MPDZ: variants seen among roughly 807,000 people sequenced by gnomAD.
MPDZ encodes multiple PDZ domain protein.
In MPDZ, 234 loss-of-function variants were observed where a neutral mutation model predicts 239.1. The observed-to-expected ratio is 0.98, with a 90% confidence interval of 0.88 to 1.09. MPDZ has a LOEUF of 1.09. MPDZ is among the 50% of genes least tolerant of loss of function. The pLI is 0.00. For synonymous variants in MPDZ, 1,048 were observed against 881.3 expected, an observed-to-expected ratio of 1.19 and a Z score of -3.35; for missense variants, 3,175 against 2,510.0, an observed-to-expected ratio of 1.26 and a Z score of -5.66.
intron 1 of MPDZ, among the ~76,000 whole-genome samples, chr9:13,261,322 T>C (rs180717642): frequency 9.9e-5 from 15 of 152,282 alleles, no homozygotes; most frequent in Non-Finnish European, 2.1e-4. Flanking sequence ...AGATGCACAA[T>C]CACTGATCTC....
intron 2 of MPDZ, 76 bp downstream of exon 2, chr9:13,250,224 A>G (rs1455307705): frequency 1.4e-6 from 2 of 1,395,500 alleles, no homozygotes; most frequent in East Asian, 4.8e-5. Flanking sequence ...GCTATGTTAA[A>G]CACAACATAT....
chr9:13,172,362 AC>A (rs1951882094), intron 21 of MPDZ, among the ~76,000 whole-genome samples: 2 of 149,538 alleles, frequency 1.3e-5, no homozygotes, highest in Non-Finnish European at 3.0e-5. Context: ...GTGATTTCAC[AC>A]TTAAATGTCT....
chr9:13,274,834 A>C (rs1973809067), intron 1 of MPDZ, among the ~76,000 whole-genome samples: 1 of 152,182 alleles, frequency 6.6e-6, no homozygotes, highest in Admixed American at 6.5e-5. Context: ...CATTTACAAC[A>C]CAGTGTTTCA....
intron 1 of MPDZ, among the ~76,000 whole-genome samples, chr9:13,257,364 C>G (rs147239853): frequency 1.6e-4 from 24 of 152,234 alleles, no homozygotes; most frequent in African/African-American, 5.8e-4. Flanking sequence ...CAAGGTCTTA[C>G]TCAAGGTCAA....
At chr9:13,145,801 G>C (rs558381675) in intron 26 of MPDZ, among the ~76,000 whole-genome samples, 1 of 151,942 alleles carries the variant, frequency 6.6e-6, no homozygotes, top group Non-Finnish European at 1.5e-5. Context: ...CGGCTCATTG[G>C]AAAATGTGCC....
chr9:13,223,554 C>A lies in MPDZ; in HGVS notation c.533+17G>T. The A allele has an allele frequency of 6.3e-7, 1 of 1,592,930 alleles. No individual in the cohort carries two copies. The highest frequency in any genetic ancestry group is 8.5e-7 in the Non-Finnish European group (1 of 1,171,236). Reference sequence around the variant, plus strand: ...AATGTGGGATCAAAAACAAAGAAGACGCCGCGACCATCTCACCTATGGGCC... The same window carrying A: ...AATGTGGGATCAAAAACAAAGAAGAAGCCGCGACCATCTCACCTATGGGCC... On this transcript the variant is annotated intron_variant, in intron 5 of 46. Coordinates refer to ENST00000319217, the MANE Select transcript of MPDZ (RefSeq NM_001378778.1).
At chr9:13,170,308 A>G (rs1951622587) in intron 21 of MPDZ, among the ~76,000 whole-genome samples, 1 of 152,130 alleles carries the variant, frequency 6.6e-6, no homozygotes, top group Admixed American at 6.6e-5. Context: ...TTCTAGCCTA[A>G]TATTTCATAG....
intron 31 of MPDZ, chr9:13,134,583 T>C (rs1946470685): frequency 6.6e-6 from 1 of 152,140 alleles, no homozygotes; most frequent in Non-Finnish European, 1.5e-5. Context: ...CCAAAGTTCC[T>C]CTAATTTTAA....
At chr9:13,233,274 A>G (rs1367896856) in intron 3 of MPDZ, among the ~76,000 whole-genome samples, 5 of 152,204 alleles carry the variant, frequency 3.3e-5, no homozygotes, top group African/African-American at 1.2e-4. Flanking sequence ...TATTTATAAC[A>G]GCCAAAAGCT....
At chr9:13,260,458 CT>C (rs1455073589) in intron 1 of MPDZ, among the ~76,000 whole-genome samples, 1 of 152,146 alleles carries the variant, frequency 6.6e-6, no homozygotes, top group Non-Finnish European at 1.5e-5. Context: ...AGTGTTGTGA[CT>C]ATTCTAGAAA....
chr9:13,121,508 C>T (rs1944343390), intron 38 of MPDZ, among the ~76,000 whole-genome samples: 1 of 152,168 alleles, frequency 6.6e-6, no homozygotes, highest in South Asian at 2.1e-4. Flanking sequence ...AGCAGGTGCT[C>T]AAAAATACAC....
rs1407421654 is a variant in MPDZ, at chr9:13,236,283, T to A, written c.183+11352A>T. On this transcript the variant is annotated intron_variant, in intron 3 of 46. Coordinates refer to ENST00000319217, the MANE Select transcript of MPDZ (RefSeq NM_001378778.1). ...TATATATATATTTTTTTTTTTTTTT[T>A]TTTTTTTTTTTGAGACAGAGTTTCA... Among the ~76,000 whole-genome samples, 4 of 40,496 alleles carry A rather than the reference T, an allele frequency of 9.9e-5. No individual in the cohort carries two copies. The South Asian group carries it at 2.9e-3, about 29-fold the overall frequency. 26.6% of individuals were successfully genotyped at this position (40,496 alleles called of 152,430 possible).
chr9:13,203,961 C>A (rs903350584), intron 12 of MPDZ, among the ~76,000 whole-genome samples: 1 of 152,096 alleles, frequency 6.6e-6, no homozygotes, highest in Non-Finnish European at 1.5e-5. Context: ...AATTTCTTTA[C>A]TTATTAGTGT....
intron 18 of MPDZ, among the ~76,000 whole-genome samples, chr9:13,184,589 T>C (rs1268565935): frequency 1.3e-5 from 2 of 151,956 alleles, no homozygotes; most frequent in Non-Finnish European, 2.9e-5. Flanking sequence ...AAATACATGT[T>C]CAAATTCACT....
chr9:13,116,458 G>C (rs1247759869), intron 39 of MPDZ, among the ~76,000 whole-genome samples: 2 of 152,164 alleles, frequency 1.3e-5, no homozygotes, highest in East Asian at 1.9e-4. Context: ...TCAGTGATGA[G>C]AGTACAAAGG....
intron 3 of MPDZ, among the ~76,000 whole-genome samples, chr9:13,238,729 C>T (rs1964685911): frequency 6.6e-6 from 1 of 152,134 alleles, no homozygotes; most frequent in South Asian, 2.1e-4. Context: ...GTAACCCTCC[C>T]TTTCCCAGCT....
In MPDZ at chr9:13,185,608, C is replaced by T. The variant is rs1953987249; in HGVS notation, c.2481+662G>A. Reference sequence around the variant, plus strand: ...GTAAATGTCACATGTATATTCATGCCTGGTATTTAGTTTTATCCTTTAGTT... The same window carrying T: ...GTAAATGTCACATGTATATTCATGCTTGGTATTTAGTTTTATCCTTTAGTT... On this transcript the variant is annotated intron_variant, in intron 18 of 46. Transcript: ENST00000319217. Among the ~76,000 whole-genome samples, 4 of 151,994 alleles carry T rather than the reference C, an allele frequency of 2.6e-5. No individual in the cohort carries two copies. The South Asian group carries it at 8.3e-4, about 31-fold the overall frequency.
chr9:13,192,190 G>A lies in MPDZ; in HGVS notation c.1909C>T (p.Pro637Ser), dbSNP rs762934533. ...CTATCCAATTCTGATTGGGTGGTGG[G>A]TGGCACAGTTCGACGACAGCACACC... ...TMVCCRRTVP[P>S]TTQSELDSLD... is the part of the protein sequence containing the mutation. The change falls in exon 15 of 47, where the codon CCC becomes TCC. Residue 637 changes from proline to serine, a missense_variant. Pro to Ser is a moderately conservative substitution (Grantham distance 74). Transcript: ENST00000319217. The A allele has an allele frequency of 3.7e-6, 6 of 1,611,356 alleles. No individual in the cohort carries two copies. Among genetic ancestry groups the A allele is most frequent in the Non-Finnish European group, 5.1e-6 (6 of 1,178,786 alleles).
At chr9:13,185,101 T>C (rs1953915321) in intron 18 of MPDZ, among the ~76,000 whole-genome samples, 1 of 152,092 alleles carries the variant, frequency 6.6e-6, no homozygotes, top group Admixed American at 6.6e-5. Context: ...ACCACAGTAC[T>C]GTATGTAATT....
Sources: gnomAD v4.1 joint callset for allele counts (sites outside exome capture counted in the v4.1 genomes callset) on GRCh38, gnomAD v4.1.1 for gene constraint, MANE v1.5 for transcripts, NCBI Gene and HGNC (gene_info 2026-07-23, HGNC 2026-07-21) for gene names.